Variants in CNTN4 observed in about 807,000 individuals in gnomAD.
The protein encoded by CNTN4 is contactin-4.
Under a neutral mutation model 122.5 loss-of-function variants are expected in CNTN4, and 77 were observed. That is an observed-to-expected ratio of 0.63 (90% CI 0.52 to 0.76). CNTN4 has a LOEUF of 0.76. Among genes scored for constraint, CNTN4 ranks in the 30% least tolerant of loss-of-function variants. The probability of loss-of-function intolerance (pLI) is 0.00; values close to 1 mark genes in which losing one functional copy is unlikely to be tolerated. For synonymous variants in CNTN4, 512 were observed against 447.0 expected (o/e 1.15, Z -1.83); for missense variants, 1,256 against 1,259.1 (o/e 1.00, Z 0.04).
chr3:2,283,078 T>C (rs936543789), intron 2 of CNTN4, among the ~76,000 whole-genome samples: 4 of 152,074 alleles, frequency 2.6e-5, no homozygotes, highest in Admixed American at 6.6e-5. Flanking sequence ...CTACACAATT[T>C]TGTGAAATAT....
chr3:2,368,591 G>A (rs991550896), intron 3 of CNTN4, among the ~76,000 whole-genome samples: 2 of 152,048 alleles, frequency 1.3e-5, no homozygotes, highest in Admixed American at 6.5e-5. Context: ...TATTCTCTCA[G>A]ATCTGTGAAT....
At chr3:2,508,504 A>G (rs1296015786) in intron 3 of CNTN4, among the ~76,000 whole-genome samples, 2 of 152,102 alleles carry the variant, frequency 1.3e-5, no homozygotes, top group Non-Finnish European at 2.9e-5. Flanking sequence ...CTGCCCCTAG[A>G]TTTGCTGAGG....
At chr3:2,607,194 G>T (rs887473604) in intron 4 of CNTN4, among the ~76,000 whole-genome samples, 1 of 152,162 alleles carries the variant, frequency 6.6e-6, no homozygotes, top group African/African-American at 2.4e-5. Context: ...ATAAAGGAAA[G>T]AGTAGAAATT....
chr3:2,775,737 T>C (rs2091289951), intron 6 of CNTN4, among the ~76,000 whole-genome samples: 1 of 152,190 alleles, frequency 6.6e-6, no homozygotes, highest in South Asian at 2.1e-4. Flanking sequence ...ATTTCTGTAA[T>C]ATAATGTTTT....
intron 14 of CNTN4, among the ~76,000 whole-genome samples, chr3:2,994,613 A>ATATATATATATATATG (rs370506181): frequency 5.1e-4 from 72 of 142,202 alleles, no homozygotes; most frequent in African/African-American, 1.0e-3. Flanking sequence ...ATATATATAT[A>ATATATATATATATATG]TGTGTGTATA....
intron 3 of CNTN4, among the ~76,000 whole-genome samples, chr3:2,377,842 T>A (rs2045879040): frequency 6.6e-6 from 1 of 152,192 alleles, no homozygotes; most frequent in African/African-American, 2.4e-5. Context: ...AGACAATTCC[T>A]CTTCGTCCAG....
chr3:2,684,298 C>A lies in CNTN4; in HGVS notation c.56-51917C>A, dbSNP rs549396754. Among the ~76,000 whole-genome samples, 3 of 152,214 alleles carry A rather than the reference C, an allele frequency of 2.0e-5. No individual in the cohort carries two copies. In the South Asian group the frequency reaches 6.2e-4, roughly 32 times the overall value. On this transcript the variant is annotated intron_variant, in intron 4 of 24. Transcript: ENST00000418658. ...AAAAAAGAGCTAAGAAGGCAGGGAG[C>A]AGAATAGGCCAGCCTAACTGAAGCA...
intron 3 of CNTN4, among the ~76,000 whole-genome samples, chr3:2,561,267 A>C (rs1302840635): frequency 2.6e-5 from 4 of 152,200 alleles, no homozygotes; most frequent in African/African-American, 2.4e-5. Context: ...GGAGGTTAGC[A>C]GAATTGGCAC....
rs184210829 is a variant in CNTN4, at chr3:2,622,740, G to A, written c.55+51182G>A. Among the ~76,000 whole-genome samples the A allele has an allele frequency of 6.8e-4, 104 of 152,294 alleles. 2 individuals carry two copies. The highest frequency in any genetic ancestry group is 6.2e-3 in the Admixed American group (95 of 15,292). ...TAGCCTACCTAAAGCAACCATGTAAGGATGTGTGTTAATATATCCATTTAC... is the reference window on the plus strand; with the variant it reads ...TAGCCTACCTAAAGCAACCATGTAAAGATGTGTGTTAATATATCCATTTAC... On this transcript the variant is annotated intron_variant, in intron 4 of 24. Coordinates refer to ENST00000418658, the MANE Select transcript of CNTN4 (RefSeq NM_175607.3).
chr3:2,335,583 GGTT>G (rs761977074), intron 2 of CNTN4, among the ~76,000 whole-genome samples: 13 of 40,098 alleles, frequency 3.2e-4, no homozygotes, highest in Non-Finnish European at 6.0e-4. Context: ...AAATTCTGTG[GGTT>G]TTTTTTTTTT....
intron 14 of CNTN4, among the ~76,000 whole-genome samples, chr3:3,011,707 C>T (rs58301854): frequency 5.1e-4 from 77 of 152,226 alleles, no homozygotes; most frequent in African/African-American, 1.5e-3. Context: ...CTTGTAAAGT[C>T]GAGGCACATT....
chr3:2,231,805 C>G (rs539212517), intron 2 of CNTN4, among the ~76,000 whole-genome samples: 1 of 152,092 alleles, frequency 6.6e-6, no homozygotes, highest in South Asian at 2.1e-4. Flanking sequence ...TTGAAGTACT[C>G]TTCAATTTAT....
intron 2 of CNTN4, among the ~76,000 whole-genome samples, chr3:2,296,563 G>A (rs2042319361): frequency 6.6e-6 from 1 of 152,116 alleles, no homozygotes; most frequent in African/African-American, 2.4e-5. Flanking sequence ...AGGAGACCAA[G>A]CTTAAATGGT....
At chr3:2,164,873 C>G (rs1480739875) in intron 2 of CNTN4, among the ~76,000 whole-genome samples, 1 of 151,850 alleles carries the variant, frequency 6.6e-6, no homozygotes, top group Non-Finnish European at 1.5e-5. Context: ...CAAAACAAAA[C>G]AAAAGGAGGT....
chr3:2,850,173 A>G (rs2093525443), intron 7 of CNTN4, among the ~76,000 whole-genome samples: 1 of 152,008 alleles, frequency 6.6e-6, no homozygotes, highest in Non-Finnish European at 1.5e-5. Flanking sequence ...TATTTTTAGT[A>G]GAGACCAGGT....
chr3:2,307,392 G>C (rs928794675), intron 2 of CNTN4, among the ~76,000 whole-genome samples: 1 of 150,276 alleles, frequency 6.7e-6, no homozygotes, highest in Admixed American at 6.6e-5. Context: ...CCGAGATTGT[G>C]CCACTGCACT....
chr3:2,833,451 G>A (rs1015928766), intron 7 of CNTN4, among the ~76,000 whole-genome samples: 2 of 113,848 alleles, frequency 1.8e-5, no homozygotes, highest in African/African-American at 9.1e-5. Context: ...CAACCCATAT[G>A]TAATCAATGT....
chr3:2,269,910 GTTTGTTTATTTATTTATTTA>G (rs1452946260), intron 2 of CNTN4, among the ~76,000 whole-genome samples: 3,066 of 26,656 alleles, frequency 0.12, 1,038 homozygotes, highest in South Asian at 0.35. Flanking sequence ...TTGTTTGTTT[GTTTGTTTATTTATTTATTTA>G]TTTATTTATT....
At chr3:2,969,252 C>T (rs1322060380) in intron 13 of CNTN4, among the ~76,000 whole-genome samples, 1 of 152,156 alleles carries the variant, frequency 6.6e-6, no homozygotes, top group African/African-American at 2.4e-5. Flanking sequence ...TTATCTACCA[C>T]CTTAGTAACC....
Sources: allele counts gnomAD v4.1 joint callset (sites outside exome capture counted in the v4.1 genomes callset), GRCh38; gene constraint gnomAD v4.1.1; transcripts MANE v1.5; gene names NCBI Gene and HGNC (gene_info 2026-07-23, HGNC 2026-07-21).